Variants in PGC observed in about 807,000 individuals in gnomAD.
PGC encodes the protein gastricsin.
In PGC, 31 loss-of-function variants were observed where a neutral mutation model predicts 45.9. The observed-to-expected ratio is 0.67, with a 90% CI of 0.51 to 0.91. The LOEUF is 0.91. Among genes scored for constraint, PGC ranks in the 40% least tolerant of loss-of-function variants. The probability of loss-of-function intolerance (pLI) is 0.00; values close to 1 mark genes in which losing one functional copy is unlikely to be tolerated. For missense variants in PGC, 477 were observed against 493.2 expected (o/e 0.97, Z 0.31); for synonymous variants, 192 against 201.8 (o/e 0.95, Z 0.41).
intron 8 of PGC, 90 bp downstream of exon 8, chr6:41,737,640 C>G: frequency 1.3e-6 from 1 of 755,824 alleles, no homozygotes; most frequent in Non-Finnish European, 2.4e-6. Flanking sequence ...CGGAAAATGG[C>G]ACAAGGCAGG....
intron 6 of PGC, 85 bp downstream of exon 6, chr6:41,740,406 G>T: frequency 1.3e-6 from 2 of 1,506,514 alleles, no homozygotes; most frequent in South Asian, 1.3e-5. Flanking sequence ...TCCCAGAGCA[G>T]TGCCAGACTG....
chr6:41,738,244 A>ACC (rs1318981349), intron 7 of PGC, among the ~76,000 whole-genome samples: 5 of 18,494 alleles, frequency 2.7e-4, no homozygotes, highest in Non-Finnish European at 5.7e-4. Flanking sequence ...ATATGTATAT[A>ACC]TATATGCATA....
chr6:41,739,861 GCA>G lies in PGC; in HGVS notation c.851_852del (p.Val284AlafsTer18), dbSNP rs752176294. On this transcript the variant is annotated frameshift_variant, in exon 7 of 9. Coordinates refer to ENST00000373025, the MANE Select transcript of PGC (RefSeq NM_002630.4). LOFTEE classifies it high-confidence loss of function. ...IVDTGTSLLT[V>X]PQQYMSALLQ... ...AGAAGAGCACTCATGTACTGCTGGG[GCA>G]CAGTGAGCAGAGAGGTGCCTGTGTC... 1 of 1,614,048 alleles carries G rather than the reference GCA, an allele frequency of 6.2e-7. No individual in the cohort carries two copies. The highest frequency in any genetic ancestry group is 1.1e-5 in the South Asian group (1 of 91,002).
rs750819656 is a variant in PGC, at chr6:41,738,980, C to CA, written c.915+818dup. ...GTCTCAAAAAAACAAAAACAAAAAACAAAAAAAAAAGAAAAACACAGATCT... is the reference window on the plus strand; with the variant it reads ...GTCTCAAAAAAACAAAAACAAAAAACAAAAAAAAAAAGAAAAACACAGATCT... On this transcript the variant is annotated intron_variant, in intron 7 of 8. Transcript: ENST00000373025. Among the ~76,000 whole-genome samples, 631 of 146,954 alleles carry CA rather than the reference C, an allele frequency of 4.3e-3. 4 individuals carry two copies. The highest frequency in any genetic ancestry group is 6.0e-3 in the Non-Finnish European group (398 of 66,240).
At position 41,740,474 on chromosome 6, in the gene PGC, C is replaced by A; in HGVS notation, c.767+17G>T. The A allele has an allele frequency of 6.3e-7, 1 of 1,597,874 alleles. No individual in the cohort carries two copies. On this transcript the variant is annotated intron_variant, in intron 6 of 8. Transcript: ENST00000373025. ...CCAAGGAAGTGCCACATCCCCAGGG[C>A]CCCACCGCAGACTCACTCTTCAATG...
intron 1 of PGC, 64 bp downstream of exon 1, chr6:41,747,212 C>T: frequency 7.1e-7 from 1 of 1,417,126 alleles, no homozygotes. Flanking sequence ...GGCCCAGTTG[C>T]CCTTTGCAGG....
At chr6:41,741,250 T>C in intron 5 of PGC, 3 of 1,451,324 alleles carry the variant, frequency 2.1e-6, no homozygotes, top group Non-Finnish European at 1.8e-6. Flanking sequence ...AGAGGAATCA[T>C]AAACAGAGGT....
Position 41,736,885 on chromosome 6 carries a change from G to C in PGC, c.1134C>G (p.Gly378=). The change falls in exon 9 of 9, where the codon GGC becomes GGG. Residue 378 remains glycine, a synonymous_variant. Transcript: ENST00000373025. ...CAGTGGCAAAGCCTACTCTGTTGTT[G>C]CCCAAGTCGTAGACGGAATAGTAGG... ...LRSYYSVYDL[G]NNRVGFATAA 1 of 1,614,176 alleles carries C rather than the reference G, an allele frequency of 6.2e-7. No individual in the cohort carries two copies. The highest frequency in any genetic ancestry group is 1.3e-5 in the African/African-American group (1 of 75,062).
chr6:41,741,191 C>T, intron 5 of PGC: 9 of 1,530,494 alleles, frequency 5.9e-6, no homozygotes, highest in Non-Finnish European at 7.9e-6. Flanking sequence ...CCAGAGGCTT[C>T]TCTGGTAGCT....
At chr6:41,738,238 G>GCA (rs1771750621) in intron 7 of PGC, among the ~76,000 whole-genome samples, 355 of 13,508 alleles carry the variant, frequency 0.026, 26 homozygotes, top group African/African-American at 0.06. Context: ...ATATATATAT[G>GCA]TATATATATA....
Position 41,744,580 on chromosome 6 carries a change from A to G in PGC, c.211-66T>C, listed in dbSNP as rs1771892227. On this transcript the variant is annotated intron_variant, in intron 2 of 8. Transcript: ENST00000373025. The surrounding 1 kb of genome is among the most constrained non-coding windows in gnomAD (Gnocchi z 4.4). ...AGGGGCCCCAGGCTCCTCCATGGGC[A>G]GAGGAGTGAAGGGACCTGCCCCTTC... The G allele has an allele frequency of 2.5e-6, 4 of 1,582,048 alleles. No individual in the cohort carries two copies. Among genetic ancestry groups the G allele is most frequent in the Non-Finnish European group, 3.5e-6 (4 of 1,154,996 alleles).
At position 41,744,880 on chromosome 6, in the gene PGC, C is replaced by T. The variant is rs1771900182; in HGVS notation, c.60-72G>A. The T allele has an allele frequency of 7.2e-7, 1 of 1,380,442 alleles. No homozygotes were observed. Among genetic ancestry groups the T allele is most frequent in the South Asian group, 1.3e-5 (1 of 76,694 alleles). The allele number at this position is 1,380,442 out of a possible 1,614,324, so 85.5% of individuals were successfully genotyped here. A position where few individuals can be genotyped will look rare whatever the true frequency, so the allele number is the denominator to read the frequency against. ...TTCCCACTCCTCTCTTTCTCTCTCT[C>T]CTTCTCTTAACTGCATGCTTCAACC... On this transcript the variant is annotated intron_variant, in intron 1 of 8. Coordinates refer to ENST00000373025, the MANE Select transcript of PGC (RefSeq NM_002630.4). This position sits in a 1 kb window ranked among gnomAD's most constrained non-coding sequence, Gnocchi z 4.4.
chr6:41,744,659 T>A lies in PGC; in HGVS notation c.209A>T (p.Asp70Val). 1.2e-6 allele frequency: 2 copies of A among 1,613,986 alleles called. No individual in the cohort carries two copies. The highest frequency in any genetic ancestry group is 1.7e-5 in the Admixed American group (1 of 60,000). ...SVTYEPMAYM[D>V]AAYFGEISIG... ...CCGCCAGAAAGGGTCAGGACTCACA[T>A]CCATGTAGGCCATGGGCTCGTAGGT... is the stretch of plus-strand genomic sequence containing the variant. Residue 70 changes from aspartate to valine, a missense_variant and splice_region_variant, in exon 2 of 9, where the codon GAT (aspartate) becomes GTT (valine). Asp to Val is a radical substitution (Grantham distance 152). Transcript: ENST00000373025. The surrounding 1 kb of genome is among the most constrained non-coding windows in gnomAD (Gnocchi z 4.4).
chr6:41,740,631 G>A, intron 5 of PGC, 21 bp from the exon 6 acceptor site: 2 of 1,578,166 alleles, frequency 1.3e-6, no homozygotes, highest in South Asian at 1.2e-5. Flanking sequence ...GAAAGGGAAG[G>A]GGAAGTCAGG....
At chr6:41,740,866 T>G (rs759164077) in intron 5 of PGC, 7 of 1,432,412 alleles carry the variant, frequency 4.9e-6, no homozygotes, top group Non-Finnish European at 6.4e-6. Flanking sequence ...TCCCTCAGAC[T>G]GGGGCTCCCT....
chr6:41,746,435 AT>A (rs2127293164), intron 1 of PGC, among the ~76,000 whole-genome samples: 1 of 152,332 alleles, frequency 6.6e-6, no homozygotes, highest in African/African-American at 2.4e-5. Context: ...GTTGGAACTT[AT>A]AAATCACCGT....
intron 5 of PGC, chr6:41,740,845 G>A (rs1771808934): frequency 3.5e-6 from 5 of 1,428,264 alleles, no homozygotes; most frequent in Admixed American, 2.9e-5. Flanking sequence ...CCCTGAGGAC[G>A]AGTCTGTGTC....
At position 41,742,281 on chromosome 6, in the gene PGC, G is replaced by C; in HGVS notation, c.647+9C>G. The C allele has an allele frequency of 6.2e-7, 1 of 1,612,480 alleles. No individual in the cohort carries two copies. The highest frequency in any genetic ancestry group is 8.5e-7 in the Non-Finnish European group (1 of 1,179,062). ...CCGGGAGGTGGGGACTGGCCAGCTG[G>C]TTGCTCACTTGCTGAGGTAGACGCT... On this transcript the variant is annotated intron_variant, in intron 5 of 8. Transcript: ENST00000373025.
At chr6:41,745,730 G>A (rs991132243) in intron 1 of PGC, among the ~76,000 whole-genome samples, 1 of 151,072 alleles carries the variant, frequency 6.6e-6, no homozygotes, top group Non-Finnish European at 1.5e-5. Context: ...TGTATTTTTA[G>A]TAGAGATAGG....
Sources: gnomAD v4.1 joint callset for allele counts (sites outside exome capture counted in the v4.1 genomes callset) on GRCh38, gnomAD v4.1.1 for gene constraint, Gnocchi (gnomAD v3.1) non-coding constraint, MANE v1.5 for transcripts, NCBI Gene and HGNC (gene_info 2026-07-23, HGNC 2026-07-21) for gene names.